NELL2: variants seen among roughly 807,000 people sequenced by gnomAD.
NELL2 encodes neural EGFL like 2, also known as protein kinase C-binding protein NELL2.
Under a neutral mutation model 109.6 loss-of-function variants are expected in NELL2, and 41 were observed. That is an observed-to-expected ratio of 0.37 (90% CI 0.29 to 0.49). NELL2 has a LOEUF of 0.49. Ranked by LOEUF, NELL2 falls within the 20% of genes least tolerant of loss-of-function variation. The pLI, the probability that NELL2 is intolerant of heterozygous loss-of-function variation, is 0.98. For synonymous variants in NELL2, 355 were observed against 344.7 expected, an observed-to-expected ratio of 1.03 and a Z score of -0.33; for missense variants, 900 against 1,008.3, an observed-to-expected ratio of 0.89 and a Z score of 1.45.
At chr12:44,774,951 G>T in intron 8 of NELL2, 102 bp from the exon 9 acceptor site, 1 of 844,954 alleles carries the variant, frequency 1.2e-6, no homozygotes, top group Non-Finnish European at 1.9e-6. Flanking sequence ...CATGTGAAGA[G>T]AACAGAACAG....
chr12:44,830,849 GGCTTT>G (rs1943864553), intron 2 of NELL2, among the ~76,000 whole-genome samples: 2 of 151,886 alleles, frequency 1.3e-5, no homozygotes, highest in Non-Finnish European at 2.9e-5. Flanking sequence ...GCTTGGTTGA[GGCTTT>G]GATATTCTGT....
At chr12:44,598,711 G>A (rs1945068203) in intron 15 of NELL2, among the ~76,000 whole-genome samples, 1 of 151,982 alleles carries the variant, frequency 6.6e-6, no homozygotes, top group Non-Finnish European at 1.5e-5. Flanking sequence ...TTCCTATGTG[G>A]CATAAGAAGC....
intron 13 of NELL2, among the ~76,000 whole-genome samples, chr12:44,658,272 C>G (rs1947586455): frequency 6.6e-6 from 1 of 152,066 alleles, no homozygotes; most frequent in Non-Finnish European, 1.5e-5. Context: ...AATCAATGTG[C>G]AAAAATCAAA....
At chr12:44,590,352 C>A (rs1183691622) in intron 15 of NELL2, among the ~76,000 whole-genome samples, 1 of 152,134 alleles carries the variant, frequency 6.6e-6, no homozygotes, top group Non-Finnish European at 1.5e-5. Flanking sequence ...AGAGATGACA[C>A]ATTGCATTTT....
chr12:44,638,885 T>C (rs1482172094), intron 13 of NELL2, among the ~76,000 whole-genome samples: 1 of 152,194 alleles, frequency 6.6e-6, no homozygotes, highest in Non-Finnish European at 1.5e-5. Flanking sequence ...AAATATAATG[T>C]GAGTCATATA....
chr12:44,897,833 C>A (rs1169322940), intron 1 of NELL2, among the ~76,000 whole-genome samples: 1 of 152,038 alleles, frequency 6.6e-6, no homozygotes, highest in Non-Finnish European at 1.5e-5. Context: ...GTGGATCCCA[C>A]CCCTACAAAG....
Position 44,508,282 on chromosome 12 carries a change from A to G in NELL2, c.*652T>C, listed in dbSNP as rs1940820445. On this transcript the variant is annotated 3_prime_UTR_variant, in exon 20 of 20. Coordinates refer to ENST00000429094, the MANE Select transcript of NELL2 (RefSeq NM_001145108.2). ...AGATACTCAGACTCACATGTGTTAT[A>G]AGGTAAGAGAAATATTTATTTAATT... is the stretch of plus-strand genomic sequence containing the variant. 6.6e-6 allele frequency: 1 copy of G among 152,616 alleles called. No homozygotes were observed. Among genetic ancestry groups the G allele is most frequent in the African/African-American group, 2.4e-5 (1 of 41,446 alleles). The allele number at this position is 152,616 out of a possible 1,614,324, so 9.5% of individuals were successfully genotyped here.
chr12:44,650,934 G>C (rs1039216606), intron 13 of NELL2, among the ~76,000 whole-genome samples: 1 of 152,184 alleles, frequency 6.6e-6, no homozygotes, highest in African/African-American at 2.4e-5. Flanking sequence ...ATAAATTTCT[G>C]TTATTTAAGC....
At chr12:44,847,556 A>C (rs1944406724) in intron 2 of NELL2, among the ~76,000 whole-genome samples, 1 of 85,586 alleles carries the variant, frequency 1.2e-5, no homozygotes, top group Non-Finnish European at 2.4e-5. Flanking sequence ...CTAAGTACAG[A>C]AGAAATGGGG....
intron 9 of NELL2, among the ~76,000 whole-genome samples, chr12:44,734,419 T>C (rs1300135577): frequency 6.6e-6 from 1 of 151,646 alleles, no homozygotes; most frequent in Non-Finnish European, 1.5e-5. Flanking sequence ...TCAAAATAAA[T>C]ATTTTGAATG....
chr12:44,803,340 G>T (rs1465290139), intron 3 of NELL2, among the ~76,000 whole-genome samples: 1 of 152,024 alleles, frequency 6.6e-6, no homozygotes, highest in African/African-American at 2.4e-5. Context: ...GGGGTCTGTA[G>T]ATTAGATAAT....
intron 15 of NELL2, among the ~76,000 whole-genome samples, chr12:44,595,786 G>A (rs1046916099): frequency 1.3e-5 from 2 of 151,974 alleles, no homozygotes; most frequent in African/African-American, 4.8e-5. Flanking sequence ...AAAGGTTCAA[G>A]TTCACTCTTA....
At chr12:44,736,304 C>A (rs913435767) in intron 9 of NELL2, among the ~76,000 whole-genome samples, 9 of 151,966 alleles carry the variant, frequency 5.9e-5, no homozygotes, top group African/African-American at 2.2e-4. Flanking sequence ...CCACCGCGCC[C>A]GGCCTTCTTT....
Position 44,815,969 on chromosome 12 carries a change from C to T in NELL2, c.335+17G>A, listed in dbSNP as rs1943332580. 6.2e-7 allele frequency: 1 copy of T among 1,601,916 alleles called. No individual in the cohort carries two copies. The highest frequency in any genetic ancestry group is 1.1e-5 in the South Asian group (1 of 87,844). On this transcript the variant is annotated intron_variant, in intron 3 of 19. Coordinates refer to ENST00000429094, the MANE Select transcript of NELL2 (RefSeq NM_001145108.2). ...ACATATAATGAAAACACAGGAAACTCCAGCAACCACATTTACCTGTGATCC... is the reference window on the plus strand; with the variant it reads ...ACATATAATGAAAACACAGGAAACTTCAGCAACCACATTTACCTGTGATCC...
At chr12:44,797,077 A>T (rs908765766) in intron 3 of NELL2, among the ~76,000 whole-genome samples, 1 of 152,174 alleles carries the variant, frequency 6.6e-6, no homozygotes, top group African/African-American at 2.4e-5. Flanking sequence ...TAAAAAAAGA[A>T]GGAAAGGGTA....
intron 3 of NELL2, among the ~76,000 whole-genome samples, chr12:44,807,897 C>T (rs1943054715): frequency 6.6e-6 from 1 of 151,924 alleles, no homozygotes; most frequent in Non-Finnish European, 1.5e-5. Context: ...ACACAAAAAC[C>T]AAAATTCCAG....
intron 2 of NELL2, among the ~76,000 whole-genome samples, chr12:44,839,128 A>T (rs1944143857): frequency 2.3e-5 from 1 of 43,306 alleles, no homozygotes; most frequent in Non-Finnish European, 5.9e-5. Flanking sequence ...TTCTCATATG[A>T]TCTTTAAAAT....
chr12:44,745,688 C>T (rs137864535), intron 9 of NELL2, among the ~76,000 whole-genome samples: 1 of 152,070 alleles, frequency 6.6e-6, no homozygotes, highest in African/African-American at 2.4e-5. Flanking sequence ...CAGTGAACTC[C>T]CATTCACAAT....
At chr12:44,532,372 T>C (rs1018952508) in intron 16 of NELL2, 1 of 377,120 alleles carries the variant, frequency 2.7e-6, no homozygotes, top group African/African-American at 2.1e-5. Context: ...GAAAACTGGG[T>C]TAGTGTCACA....
Sources: gnomAD v4.1 joint callset for allele counts (sites outside exome capture counted in the v4.1 genomes callset) on GRCh38, gnomAD v4.1.1 for gene constraint, MANE v1.5 for transcripts, NCBI Gene and HGNC (gene_info 2026-07-23, HGNC 2026-07-21) for gene names.